The following POR variants were observed in gnomAD, a reference collection of about 807,000 sequenced individuals.
The protein encoded by POR is cytochrome p450 oxidoreductase, also known as NADPH--cytochrome P450 reductase.
POR carries 56 observed loss-of-function variants against 84.0 expected under a neutral mutation model. The ratio of observed to expected loss-of-function variants is 0.67; its 90% CI spans 0.54 to 0.83. POR has a LOEUF of 0.83. Among genes scored for constraint, POR ranks in the 40% least tolerant of loss-of-function variants. The pLI is 0.00. For missense variants in POR, 938 were observed against 944.3 expected (o/e 0.99, Z 0.09); for synonymous variants, 414 against 400.5 (o/e 1.03, Z -0.40).
chr7:75,940,967 C>T (rs1371290061), intron 1 of POR, among the ~76,000 whole-genome samples: 1 of 152,066 alleles, frequency 6.6e-6, no homozygotes, highest in African/African-American at 2.4e-5. Flanking sequence ...TTGAGACCAG[C>T]CTGGGCAACC....
At chr7:75,925,302 G>A (rs1009523795) in intron 1 of POR, among the ~76,000 whole-genome samples, 2 of 152,148 alleles carry the variant, frequency 1.3e-5, no homozygotes, top group African/African-American at 2.4e-5. Context: ...GTGGCCAGGA[G>A]TTTGAGACCA....
intron 3 of POR, chr7:75,972,824 G>A (rs1788500679): frequency 3.3e-6 from 1 of 304,210 alleles, no homozygotes; most frequent in Non-Finnish European, 6.4e-6. Context: ...CTTTGTTTTT[G>A]TTACTTTTTT....
rs557324700 is a variant in POR at position 75,982,243 on chromosome 7, G to A, written c.751G>A (p.Val251Met). The change falls in exon 8 of 16, where the codon GTG becomes ATG. Residue 251 changes from valine to methionine, a missense_variant. Val to Met is a conservative substitution (Grantham distance 21). Coordinates refer to ENST00000461988, the MANE Select transcript of POR (RefSeq NM_000941.3). ...TTCCAGCATTCGCCAGTACGAGCTT[G>A]TGGTCCACACCGACATAGATGCGGC... 6.8e-6 allele frequency: 11 copies of A among 1,612,158 alleles called. No homozygotes were observed. In the South Asian group the frequency reaches 1.2e-4, roughly 18 times the overall value.
chr7:75,922,651 A>C (rs1585082980), intron 1 of POR: 2 of 241,670 alleles, frequency 8.3e-6, no homozygotes, highest in East Asian at 2.3e-4. Flanking sequence ...GATTATTCCA[A>C]AGTACAGTAG....
intron 1 of POR, among the ~76,000 whole-genome samples, chr7:75,950,014 C>T (rs1431361328): frequency 6.6e-6 from 1 of 152,118 alleles, no homozygotes; most frequent in Non-Finnish European, 1.5e-5. Flanking sequence ...AGGTGCCTGC[C>T]ACCACGCCTG....
At chr7:75,982,374 A>G in intron 8 of POR, 52 bp downstream of exon 8, 1 of 1,431,382 alleles carries the variant, frequency 7.0e-7, no homozygotes, top group South Asian at 1.2e-5. Flanking sequence ...CCACTGGTGC[A>G]CCCCAGGCTC....
chr7:75,942,131 G>A (rs537875868), intron 1 of POR, among the ~76,000 whole-genome samples: 1 of 152,322 alleles, frequency 6.6e-6, no homozygotes, highest in East Asian at 1.9e-4. Flanking sequence ...GGAGACTGAG[G>A]TGGGAGGATC....
chr7:75,963,410 C>T (rs997758190), intron 2 of POR, among the ~76,000 whole-genome samples: 19 of 152,176 alleles, frequency 1.2e-4, no homozygotes, highest in Non-Finnish European at 2.8e-4. Context: ...AAAGGGACCT[C>T]GCCTCCTCTC....
At chr7:75,919,741 T>C (rs1167348345) in intron 1 of POR, among the ~76,000 whole-genome samples, 1 of 152,016 alleles carries the variant, frequency 6.6e-6, no homozygotes, top group Non-Finnish European at 1.5e-5. Flanking sequence ...CAGTTGATGC[T>C]TGGACGTGTT....
At chr7:75,923,302 A>G (rs1554549071) in intron 1 of POR, 2 of 1,203,828 alleles carry the variant, frequency 1.7e-6, no homozygotes, top group East Asian at 2.3e-5. Flanking sequence ...AAGCATTTCC[A>G]GGAGATCTCA....
intron 1 of POR, among the ~76,000 whole-genome samples, chr7:75,918,367 G>A (rs944508133): frequency 2.6e-5 from 4 of 152,048 alleles, no homozygotes; most frequent in African/African-American, 7.2e-5. Flanking sequence ...TCTGGCATTG[G>A]GCAGAAATTT....
At chr7:75,964,735 C>T (rs1341855519) in intron 2 of POR, among the ~76,000 whole-genome samples, 2 of 152,070 alleles carry the variant, frequency 1.3e-5, no homozygotes. Flanking sequence ...TTCTGATATA[C>T]GTATCTTAGC....
rs1554558463 is a variant in POR at position 75,983,581 on chromosome 7, G to T, written c.892G>T (p.Gly298Ter). 6.2e-7 allele frequency: 1 copy of T among 1,612,978 alleles called. No homozygotes were observed. The highest frequency in any genetic ancestry group is 1.3e-5 in the African/African-American group (1 of 74,862). The change falls in exon 9 of 16, where the codon GGA (glycine) becomes TGA (stop). Residue 298 changes from glycine (G) to a stop codon, truncating the protein, a stop_gained. Coordinates refer to ENST00000461988, the MANE Select transcript of POR (RefSeq NM_000941.3). LOFTEE classifies it high-confidence loss of function. Reference sequence around the variant, plus strand: ...CACCACCAACCGGAAGCTGAACCAGGGAACCGAGCGCCACCTCATGCACCT... The same window carrying T: ...CACCACCAACCGGAAGCTGAACCAGTGAACCGAGCGCCACCTCATGCACCT...
chr7:75,946,464 T>C (rs545465816), intron 1 of POR, among the ~76,000 whole-genome samples: 1 of 152,154 alleles, frequency 6.6e-6, no homozygotes, highest in Non-Finnish European at 1.5e-5. Context: ...CTTTTGTATT[T>C]TGTGGTAGAA....
At chr7:75,952,991 G>A (rs1289343262) in intron 1 of POR, among the ~76,000 whole-genome samples, 1 of 152,158 alleles carries the variant, frequency 6.6e-6, no homozygotes, top group Non-Finnish European at 1.5e-5. Context: ...TGGTTGTAGC[G>A]AGCCGAGATC....
chr7:75,977,017 A>C (rs1788727401), intron 3 of POR, among the ~76,000 whole-genome samples: 1 of 151,790 alleles, frequency 6.6e-6, no homozygotes, highest in South Asian at 2.1e-4. Context: ...CACCCAGATA[A>C]ATTTTTTGTA....
At chr7:75,956,136 C>T (rs1313312032) in intron 2 of POR, among the ~76,000 whole-genome samples, 1 of 151,920 alleles carries the variant, frequency 6.6e-6, no homozygotes, top group African/African-American at 2.4e-5. Context: ...CCGTCTCTAC[C>T]GAAAATACAA....
At chr7:75,917,024 G>T (rs1554548143) in intron 1 of POR, among the ~76,000 whole-genome samples, 1 of 152,060 alleles carries the variant, frequency 6.6e-6, no homozygotes. Context: ...ATTTACTCGT[G>T]AAGTCCATGG....
At chr7:75,985,296 A>T (rs1789362881) in intron 12 of POR, 89 bp downstream of exon 12, 2 of 1,422,372 alleles carry the variant, frequency 1.4e-6, no homozygotes, top group Non-Finnish European at 9.3e-7. Flanking sequence ...AGGAGCTCCG[A>T]GATCTGAGCC....
Sources: allele counts gnomAD v4.1 joint callset (sites outside exome capture counted in the v4.1 genomes callset), GRCh38; gene constraint gnomAD v4.1.1; transcripts MANE v1.5; gene names NCBI Gene and HGNC (gene_info 2026-07-23, HGNC 2026-07-21).